The following ZC3H12B variants were observed in gnomAD, a reference collection of about 807,000 sequenced individuals.
The protein encoded by ZC3H12B is zinc finger CCCH-type containing 12B.
A neutral mutation model predicts 43.9 loss-of-function variants in ZC3H12B; 7 were observed. The observed-to-expected ratio is 0.16, with a 90% CI of 0.09 to 0.30. The LOEUF (loss-of-function observed/expected upper bound fraction) is 0.30. ZC3H12B is among the 10% of genes least tolerant of loss of function. The pLI, the probability that ZC3H12B is intolerant of heterozygous loss-of-function variation, is 1.00. For synonymous variants in ZC3H12B, 222 were observed against 241.7 expected (o/e 0.92, Z 0.76); for missense variants, 475 against 670.2 (o/e 0.71, Z 3.22).
At chrX:65,463,827 A>C (rs1009912746) in intron 3 of ZC3H12B, among the ~76,000 whole-genome samples, 6 of 111,007 alleles carry the variant, frequency 5.4e-5, no homozygotes, top group African/African-American at 2.0e-4. Context: ...GAGAAGCCAG[A>C]CCATTGAATA....
At chrX:65,500,450 C>T (rs761361751) in intron 4 of ZC3H12B, among the ~76,000 whole-genome samples, 13 of 111,889 alleles carry the variant, frequency 1.2e-4, no homozygotes, top group Non-Finnish European at 2.1e-4. Flanking sequence ...TTTTTTGAGA[C>T]AAAGTCTTGC....
the ZC3H12B span, among the ~76,000 whole-genome samples, chrX:65,202,142 A>ATATT: frequency 6.8e-3 from 459 of 67,603 alleles, 26 homozygotes; most frequent in African/African-American, 0.062. Flanking sequence ...TATTTTATAT[A>ATATT]ATATGAAATA....
At chrX:65,310,010 A>G in the ZC3H12B span, among the ~76,000 whole-genome samples, 1 of 111,950 alleles carries the variant, frequency 8.9e-6, no homozygotes, top group Non-Finnish European at 1.9e-5. Context: ...CAAAATAATA[A>G]GAGCTATTTA....
At chrX:65,385,643 T>A (rs1227790874) in intron 2 of ZC3H12B, among the ~76,000 whole-genome samples, 1 of 111,725 alleles carries the variant, frequency 9.0e-6, no homozygotes, top group Non-Finnish European at 1.9e-5. Context: ...TTTTTTTTTA[T>A]CCTGCATGAT....
chrX:65,384,862 C>T (rs945422842), intron 2 of ZC3H12B, among the ~76,000 whole-genome samples: 3 of 112,396 alleles, frequency 2.7e-5, no homozygotes, highest in Non-Finnish European at 1.9e-5. Context: ...GGAGTTGGAA[C>T]ATATGGCTAG....
chrX:65,139,963 A>C, the ZC3H12B span, among the ~76,000 whole-genome samples: 17 of 110,813 alleles, frequency 1.5e-4, no homozygotes, highest in Non-Finnish European at 3.0e-4. Context: ...CTGAATCCTT[A>C]TATTAGTTCT....
chrX:65,202,981 C>A, the ZC3H12B span, among the ~76,000 whole-genome samples: 2 of 110,342 alleles, frequency 1.8e-5, no homozygotes, highest in Non-Finnish European at 1.9e-5. Flanking sequence ...TTCCCACTCT[C>A]CCCTGTTTTT....
chrX:65,095,001 A>G, the ZC3H12B span, among the ~76,000 whole-genome samples: 4 of 112,022 alleles, frequency 3.6e-5, no homozygotes, highest in African/African-American at 1.3e-4. Flanking sequence ...GAATGAAGTG[A>G]GCTTTTCATG....
chrX:65,315,804 G>C, the ZC3H12B span, among the ~76,000 whole-genome samples: 14 of 111,758 alleles, frequency 1.3e-4, no homozygotes, highest in African/African-American at 4.2e-4. Context: ...TACAGCAATG[G>C]CTCTTAACAA....
chrX:65,235,754 A>C, the ZC3H12B span, among the ~76,000 whole-genome samples: 1 of 112,008 alleles, frequency 8.9e-6, no homozygotes, highest in African/African-American at 3.2e-5. Flanking sequence ...ACAGCTCTTG[A>C]TCAGGGAATC....
chrX:65,179,254 T>C, the ZC3H12B span, among the ~76,000 whole-genome samples: 1 of 107,525 alleles, frequency 9.3e-6, no homozygotes, highest in South Asian at 4.1e-4. Context: ...GTGGGGCCTG[T>C]CGGGGTGTTG....
chrX:65,339,682 G>T, the ZC3H12B span, among the ~76,000 whole-genome samples: 1 of 111,231 alleles, frequency 9.0e-6, no homozygotes, highest in African/African-American at 3.3e-5. Context: ...TTGGTGTGCT[G>T]GGGTTTCCTG....
the ZC3H12B span, among the ~76,000 whole-genome samples, chrX:65,158,164 G>A: frequency 1.0e-3 from 113 of 108,980 alleles, no homozygotes; most frequent in African/African-American, 3.3e-3. Context: ...TCTTAATCCA[G>A]TCTATCATTG....
At chrX:65,286,249 C>T in the ZC3H12B span, among the ~76,000 whole-genome samples, 1 of 112,015 alleles carries the variant, frequency 8.9e-6, no homozygotes, top group African/African-American at 3.2e-5. Context: ...CATAATGAAA[C>T]TGTGTCCTTT....
the ZC3H12B span, among the ~76,000 whole-genome samples, chrX:65,239,400 CTT>C: frequency 1.9e-5 from 2 of 103,813 alleles, no homozygotes; most frequent in African/African-American, 6.9e-5. Flanking sequence ...AACACCTGCT[CTT>C]TTTTTTTTTC....
the ZC3H12B span, among the ~76,000 whole-genome samples, chrX:65,341,663 G>A: frequency 9.0e-6 from 1 of 110,750 alleles, no homozygotes; most frequent in Admixed American, 9.6e-5. Context: ...CAAATACTGA[G>A]GGAATTAGTT....
In ZC3H12B at chrX:65,469,295, C is replaced by G. The variant is rs2067872964; in HGVS notation, n.408-19351C>G. On this transcript the variant is annotated intron_variant and non_coding_transcript_variant, in intron 3 of 5. Coordinates refer to the ZC3H12B transcript ENST00000617377. The stretch of plus-strand genomic sequence containing the variant: ...CTGTGTCCTGGTGCTCCGAGCGCAT[C>G]AAGTACAAGAAGAACGAGGTCTTCA... 3 of 285,582 alleles carry G rather than the reference C, an allele frequency of 1.1e-5. No individual in the cohort carries two copies. In the South Asian group the frequency reaches 2.0e-4, roughly 19 times the overall value. The allele number at this position is 285,582 out of a possible 1,213,427, so 23.5% of individuals were successfully genotyped here. A position where few individuals can be genotyped will look rare whatever the true frequency, so the allele number is the denominator to read the frequency against.
At chrX:65,453,758 A>G (rs1471862961) in intron 3 of ZC3H12B, among the ~76,000 whole-genome samples, 6 of 110,653 alleles carry the variant, frequency 5.4e-5, no homozygotes, top group Non-Finnish European at 1.1e-4. Flanking sequence ...AAATAATGGC[A>G]TTTGCAGCAA....
chrX:65,492,054 C>T lies in ZC3H12B; in HGVS notation c.608+2645C>T, dbSNP rs774040092. Among the ~76,000 whole-genome samples, 3 of 111,042 alleles carry T rather than the reference C, an allele frequency of 2.7e-5. No individual in the cohort carries two copies. In the East Asian group the frequency reaches 8.5e-4, roughly 32 times the overall value. On this transcript the variant is annotated intron_variant, in intron 1 of 4. Coordinates refer to ENST00000338957, the Ensembl canonical transcript of ZC3H12B. ...GGGAAGGAGTTTGGGATGTGTCCAACTCAATCTGTCACCAAACCAGACCAC... is the reference window on the plus strand; with the variant it reads ...GGGAAGGAGTTTGGGATGTGTCCAATTCAATCTGTCACCAAACCAGACCAC...
Sources: gnomAD v4.1 joint callset for allele counts (sites outside exome capture counted in the v4.1 genomes callset) on GRCh38, gnomAD v4.1.1 for gene constraint, MANE v1.5 for transcripts, NCBI Gene and HGNC (gene_info 2026-07-23, HGNC 2026-07-21) for gene names.